FNIP1: variants seen among roughly 807,000 people sequenced by gnomAD.
FNIP1 encodes folliculin-interacting protein 1.
A neutral mutation model predicts 124.5 loss-of-function variants in FNIP1; 40 were observed. The ratio of observed to expected loss-of-function variants is 0.32; its 90% CI spans 0.25 to 0.42. The LOEUF (loss-of-function observed/expected upper bound fraction) is 0.42, where lower values mean the gene tolerates loss of function less well. FNIP1 is among the 10% of genes least tolerant of loss of function. FNIP1 has a pLI of 1.00. For missense variants in FNIP1, 1,176 were observed against 1,403.7 expected (o/e 0.84, Z 2.59); for synonymous variants, 472 against 470.6 (o/e 1.00, Z -0.04).
Position 131,731,064 on chromosome 5 carries a change from T to A in FNIP1, c.220-26A>T, listed in dbSNP as rs377564201. 41 of 1,582,296 alleles carry A rather than the reference T, an allele frequency of 2.6e-5. No homozygotes were observed. The African/African-American group carries it at 5.1e-4, about 19-fold the overall frequency. On this transcript the variant is annotated intron_variant, in intron 2 of 17. Coordinates refer to ENST00000510461, the MANE Select transcript of FNIP1 (RefSeq NM_133372.3). ...CTGAAATAACAGATATTTCCACTCA[T>A]GTTTTAACAGATTTTTAACCATATA...
At chr5:131,778,951 T>A in intron 1 of FNIP1, among the ~76,000 whole-genome samples, 1 of 107,670 alleles carries the variant, frequency 9.3e-6, no homozygotes, top group African/African-American at 3.7e-5. Context: ...AACAATGAGA[T>A]CACATGGACA....
Position 131,744,222 on chromosome 5 carries a change from T to TA in FNIP1, c.219+341dup, listed in dbSNP as rs1272165252. On this transcript the variant is annotated intron_variant, in intron 2 of 17. Transcript: ENST00000510461. Reference sequence around the variant, plus strand: ...CAATAAATGTTTGCTGAAAAAGTAATAAAAAATAATCGAGATAATTAAAAA... The same window carrying TA: ...CAATAAATGTTTGCTGAAAAAGTAATAAAAAAATAATCGAGATAATTAAAAA... Among the ~76,000 whole-genome samples, 14 of 151,090 alleles carry TA rather than the reference T, an allele frequency of 9.3e-5. 1 individual carries two copies. The East Asian group carries it at 2.3e-3, about 25-fold the overall frequency.
At chr5:131,700,087 G>A (rs1017811747) in intron 10 of FNIP1, among the ~76,000 whole-genome samples, 6 of 150,954 alleles carry the variant, frequency 4.0e-5, no homozygotes, top group Non-Finnish European at 8.8e-5. Flanking sequence ...AGGTTCAAGC[G>A]ATTCTCCTGC....
intron 11 of FNIP1, among the ~76,000 whole-genome samples, chr5:131,693,301 T>TATATATATATAC: frequency 3.9e-5 from 1 of 25,620 alleles, no homozygotes; most frequent in Admixed American, 4.7e-4. Flanking sequence ...TATATACATA[T>TATATATATATAC]ATATATATAT....
At chr5:131,725,770 G>C (rs1444999202) in intron 3 of FNIP1, among the ~76,000 whole-genome samples, 2 of 152,254 alleles carry the variant, frequency 1.3e-5, no homozygotes, top group South Asian at 4.1e-4. Context: ...TCCTTATCTT[G>C]TGCTGGTTTT....
In FNIP1 at chr5:131,677,889, T is replaced by C; in HGVS notation, c.1350-17A>G. The C allele has an allele frequency of 1.2e-6, 2 of 1,609,476 alleles. No individual in the cohort carries two copies. Among genetic ancestry groups the C allele is most frequent in the Non-Finnish European group, 1.7e-6 (2 of 1,177,030 alleles). On this transcript the variant is annotated splice_polypyrimidine_tract_variant and intron_variant, in intron 12 of 17. Transcript: ENST00000510461. ...GGCAAGAATCTGAAAACAAAATACA[T>C]CTGATCAGATTCCAATCAGTCTTCA... is the stretch of plus-strand genomic sequence containing the variant.
At chr5:131,718,482 G>A (rs966858073) in intron 5 of FNIP1, among the ~76,000 whole-genome samples, 1 of 152,150 alleles carries the variant, frequency 6.6e-6, no homozygotes, top group Non-Finnish European at 1.5e-5. Context: ...TCTGGCACAT[G>A]GCCCATGATC....
chr5:131,747,906 G>A (rs1233790450), intron 1 of FNIP1, among the ~76,000 whole-genome samples: 1 of 152,062 alleles, frequency 6.6e-6, no homozygotes, highest in East Asian at 1.9e-4. Context: ...AGGAAGTAGA[G>A]AACAGGATAT....
chr5:131,652,956 C>A (rs977426422), intron 15 of FNIP1, among the ~76,000 whole-genome samples: 7 of 151,746 alleles, frequency 4.6e-5, no homozygotes, highest in African/African-American at 1.7e-4. Flanking sequence ...AGAGTAAGAC[C>A]CTGTCTTAAA....
Position 131,698,970 on chromosome 5 carries a change from G to A in FNIP1, c.1149C>T (p.Ala383=). The change falls in exon 11 of 18, where the codon GCC becomes GCT. Residue 383 remains alanine (A), a synonymous_variant. Coordinates refer to ENST00000510461, the MANE Select transcript of FNIP1 (RefSeq NM_133372.3). ...AMKMSRRSAD[A]SQRSLAYNRI... The stretch of plus-strand genomic sequence containing the variant: ...GATTATATGCCAAACTTCTCTGACT[G>A]GCATCAGCTGATCTCCGGCTCATTT... The A allele has an allele frequency of 6.2e-7, 1 of 1,610,784 alleles. No individual in the cohort carries two copies. The highest frequency in any genetic ancestry group is 8.5e-7 in the Non-Finnish European group (1 of 1,178,858).
At chr5:131,786,753 C>T (rs1444162407) in intron 1 of FNIP1, among the ~76,000 whole-genome samples, 1 of 152,172 alleles carries the variant, frequency 6.6e-6, no homozygotes, top group African/African-American at 2.4e-5. Context: ...CTTGCTCTCA[C>T]CCGCATTTTC....
intron 7 of FNIP1, 61 bp from the exon 8 acceptor site, chr5:131,709,333 C>T (rs534331358): frequency 7.0e-7 from 1 of 1,421,090 alleles, no homozygotes; most frequent in Non-Finnish European, 9.9e-7. Flanking sequence ...GGATGAACAG[C>T]TCCTTTTAAA....
chr5:131,790,283 G>T (rs977901965), intron 1 of FNIP1, among the ~76,000 whole-genome samples: 2 of 151,842 alleles, frequency 1.3e-5, no homozygotes, highest in African/African-American at 4.8e-5. Flanking sequence ...CCTCTATACT[G>T]GCCTGGGCAA....
At chr5:131,669,618 T>A (rs575562011) in intron 15 of FNIP1, among the ~76,000 whole-genome samples, 81 of 151,818 alleles carry the variant, frequency 5.3e-4, no homozygotes, top group African/African-American at 1.7e-3. Context: ...AAAAAGCATA[T>A]GACAAAATCC....
In FNIP1 at chr5:131,670,606, C is replaced by T; in HGVS notation, c.2965G>A (p.Val989Ile). The change falls in exon 15 of 18, where the codon GTT becomes ATT. Residue 989 changes from valine (V) to isoleucine (I), a missense_variant. By Grantham distance (29) the Val-to-Ile change is conservative. This residue lies in a region of FNIP1 where 1,109 missense variants were observed against 1,288.5 expected (regional missense o/e 0.86). Coordinates refer to ENST00000510461, the MANE Select transcript of FNIP1 (RefSeq NM_133372.3). ...CCGAAGTTGGCAATGTTGGGCTGAA[C>T]AGCACTCACTTCGATTAACTTTGAC... The part of the protein sequence containing the change: ...PGSKLIEVSA[V>I]QPNIANFGRS... The T allele has an allele frequency of 6.2e-7, 1 of 1,610,244 alleles. No homozygotes were observed. Among genetic ancestry groups the T allele is most frequent in the Non-Finnish European group, 8.5e-7 (1 of 1,178,834 alleles).
intron 11 of FNIP1, among the ~76,000 whole-genome samples, chr5:131,684,191 G>A (rs572647601): frequency 6.6e-6 from 1 of 152,178 alleles, no homozygotes; most frequent in Non-Finnish European, 1.5e-5. Flanking sequence ...TTTGTTAACA[G>A]TATGAGAATT....
At chr5:131,768,675 T>C (rs1221583262) in intron 1 of FNIP1, among the ~76,000 whole-genome samples, 1 of 152,038 alleles carries the variant, frequency 6.6e-6, no homozygotes, top group Admixed American at 6.6e-5. Context: ...CCAGGGGTAA[T>C]GTAATCCCAG....
At chr5:131,715,033 T>C (rs963335998) in intron 6 of FNIP1, among the ~76,000 whole-genome samples, 12 of 152,246 alleles carry the variant, frequency 7.9e-5, no homozygotes, top group Non-Finnish European at 4.4e-5. Context: ...AAATCCTTGA[T>C]TCACAATTAA....
intron 2 of FNIP1, among the ~76,000 whole-genome samples, chr5:131,735,655 T>C (rs964550402): frequency 6.7e-6 from 1 of 149,728 alleles, no homozygotes; most frequent in African/African-American, 2.4e-5. Context: ...TATGCACATA[T>C]ATATGTATAT....
Sources: gnomAD v4.1 joint callset for allele counts (sites outside exome capture counted in the v4.1 genomes callset) on GRCh38, gnomAD v4.1.1 for gene constraint, gnomAD v4.1.1 regional missense constraint, MANE v1.5 for transcripts, NCBI Gene and HGNC (gene_info 2026-07-23, HGNC 2026-07-21) for gene names.